Variants in RNF20 observed in about 807,000 individuals in gnomAD.
RNF20 encodes E3 ubiquitin-protein ligase BRE1A.
Under a neutral mutation model 126.2 loss-of-function variants are expected in RNF20, and 84 were observed. The ratio of observed to expected loss-of-function variants is 0.67; its 90% CI spans 0.56 to 0.80. RNF20 has a LOEUF of 0.80. Among genes scored for constraint, RNF20 ranks in the 30% least tolerant of loss-of-function variants. The pLI is 0.00. For missense variants in RNF20, 869 were observed against 1,188.2 expected (o/e 0.73, Z 3.95); for synonymous variants, 400 against 414.3 (o/e 0.97, Z 0.42).
chr9:101,535,288 T>G lies in RNF20; in HGVS notation c.-26-110T>G, dbSNP rs1041709959. The G allele has an allele frequency of 1.1e-5, 7 of 642,770 alleles. No homozygotes were observed. The African/African-American group carries it at 1.3e-4, about 12-fold the overall frequency. 39.8% of individuals were successfully genotyped at this position (642,770 alleles called of 1,614,324 possible). ...TGGAGATGGTTGTGGAATTAATGGA[T>G]CCAGGTTAAAGGGTTGGCCAGAAAA... On this transcript the variant is annotated intron_variant, in intron 1 of 19. Transcript: ENST00000389120.
chr9:101,538,458 A>G (rs1238811704), intron 2 of RNF20, among the ~76,000 whole-genome samples: 1 of 152,142 alleles, frequency 6.6e-6, no homozygotes, highest in Admixed American at 6.5e-5. Context: ...CATGAGCTGC[A>G]GAGGTAGGAG....
intron 16 of RNF20, 88 bp downstream of exon 16, chr9:101,557,684 C>A: frequency 9.5e-7 from 1 of 1,057,102 alleles, no homozygotes; most frequent in Non-Finnish European, 1.4e-6. Context: ...TATTGTGGCA[C>A]ATTTTTGTGA....
At chr9:101,544,529 A>C (rs1268963863) in intron 5 of RNF20, among the ~76,000 whole-genome samples, 1 of 152,116 alleles carries the variant, frequency 6.6e-6, no homozygotes, top group Non-Finnish European at 1.5e-5. Context: ...GACATGGTGA[A>C]ACCCCATCTC....
chr9:101,551,062 G>T (rs1021793963), intron 10 of RNF20, among the ~76,000 whole-genome samples: 3 of 152,196 alleles, frequency 2.0e-5, no homozygotes, highest in Non-Finnish European at 4.4e-5. Context: ...CATGAGAAAA[G>T]AGTGTCTGAT....
At chr9:101,555,996 C>CTGGTAAATG (rs1827525654) in intron 15 of RNF20, among the ~76,000 whole-genome samples, 1 of 148,568 alleles carries the variant, frequency 6.7e-6, no homozygotes, top group South Asian at 2.2e-4. Flanking sequence ...TTTCTTAAAT[C>CTGGTAAATG]TGGTAAATGC....
In RNF20 at chr9:101,554,888, A is replaced by G. The variant is rs1827509436; in HGVS notation, c.2169+45A>G. ...TTAATTGACTTTTTGAGTAAATGTT[A>G]CTTGACAATAAGTTATTGCCAGTGA... On this transcript the variant is annotated intron_variant, in intron 15 of 19. Transcript: ENST00000389120. 2.9e-6 allele frequency: 4 copies of G among 1,358,630 alleles called. 1 individual carries two copies. The Admixed American group carries it at 1.1e-4, about 37-fold the overall frequency. 84.2% of individuals were successfully genotyped at this position (1,358,630 alleles called of 1,614,324 possible). A position where few individuals can be genotyped will look rare whatever the true frequency, so the allele number is the denominator to read the frequency against.
Position 101,551,672 on chromosome 9 carries a change from A to G in RNF20, c.1273-12A>G. 2 of 1,572,022 alleles carry G rather than the reference A, an allele frequency of 1.3e-6. No individual in the cohort carries two copies. The highest frequency in any genetic ancestry group is 1.2e-5 in the South Asian group (1 of 83,168). Reference sequence around the variant, plus strand: ...TAAGAATTTTTTTATTGGTTCCTTTATCTGTGTGTAGCGAGATGAGGTTAG... The same window carrying G: ...TAAGAATTTTTTTATTGGTTCCTTTGTCTGTGTGTAGCGAGATGAGGTTAG... On this transcript the variant is annotated splice_polypyrimidine_tract_variant and intron_variant, in intron 10 of 19. Coordinates refer to ENST00000389120, the MANE Select transcript of RNF20 (RefSeq NM_019592.7).
In RNF20 at chr9:101,552,390, T is replaced by G; in HGVS notation, c.1538T>G (p.Leu513Arg). The change falls in exon 13 of 20, where the codon CTG becomes CGG. Residue 513 changes from leucine to arginine, a missense_variant. Leu to Arg is a moderately radical substitution (Grantham distance 102). This residue lies in a region of RNF20 where 231 missense variants were observed against 263.6 expected (regional missense o/e 0.88). Coordinates refer to ENST00000389120, the MANE Select transcript of RNF20 (RefSeq NM_019592.7). ...TTTTCTTTATTCTCCCAGACACGCC[T>G]GCGTAGTGGTAGTGCCCTCCTGCAG... ...EAQSDLNKTR[L>R]RSGSALLQSQ... The G allele has an allele frequency of 6.2e-7, 1 of 1,605,290 alleles. No homozygotes were observed. Among genetic ancestry groups the G allele is most frequent in the Non-Finnish European group, 8.5e-7 (1 of 1,174,050 alleles).
At chr9:101,534,735 T>G (rs1439204904) in intron 1 of RNF20, among the ~76,000 whole-genome samples, 1 of 152,158 alleles carries the variant, frequency 6.6e-6, no homozygotes, top group Non-Finnish European at 1.5e-5. Flanking sequence ...CACTGTAGTA[T>G]TAACTTCTGG....
chr9:101,538,881 A>G (rs1395641830), intron 2 of RNF20, among the ~76,000 whole-genome samples: 1 of 152,160 alleles, frequency 6.6e-6, no homozygotes, highest in Non-Finnish European at 1.5e-5. Flanking sequence ...ATATCCTCCA[A>G]TCCCACCTCC....
chr9:101,554,114 G>A lies in RNF20; in HGVS notation c.2019+9G>A, dbSNP rs1264610505. 2 of 1,432,726 alleles carry A rather than the reference G, an allele frequency of 1.4e-6. No individual in the cohort carries two copies. The highest frequency in any genetic ancestry group is 4.5e-5 in the East Asian group (2 of 43,982). 88.8% of individuals were successfully genotyped at this position (1,432,726 alleles called of 1,614,324 possible). A position where few individuals can be genotyped will look rare whatever the true frequency, so the allele number is the denominator to read the frequency against. On this transcript the variant is annotated intron_variant, in intron 14 of 19. Coordinates refer to ENST00000389120, the MANE Select transcript of RNF20 (RefSeq NM_019592.7). ...AGAAGTCTAAGGCAGAGGTATTCTA[G>A]TCTGCTATTACCTGTCCTTCTGGTT...
At position 101,557,456 on chromosome 9, in the gene RNF20, C is replaced by T. The variant is rs1827552552; in HGVS notation, c.2242C>T (p.Arg748Cys). ...AFEDMQEQNI[R>C]LMQQLREKDD... ...TGAAGACATGCAGGAGCAAAATATC[C>T]GTTTGATGCAGCAATTGCGGGAGAA... The change falls in exon 16 of 20, where the codon CGT (arginine) becomes TGT (cysteine). Residue 748 changes from arginine (R) to cysteine (C), a missense_variant. Around this residue, in one of 8 missense-constraint regions of RNF20, gnomAD observed 30 missense variants for 75.2 expected, o/e 0.40. Coordinates refer to ENST00000389120, the MANE Select transcript of RNF20 (RefSeq NM_019592.7). The T allele has an allele frequency of 1.2e-6, 2 of 1,613,808 alleles. No individual in the cohort carries two copies. Among genetic ancestry groups the T allele is most frequent in the African/African-American group, 1.3e-5 (1 of 74,888 alleles).
Position 101,562,616 on chromosome 9 carries a change from C to A in RNF20, c.*194C>A. ...AGCAGAAAGGACTGGTAAATACAAG[C>A]CTTGGGTTTCAGAATGAATTAGAAA... On this transcript the variant is annotated 3_prime_UTR_variant, in exon 20 of 20. Coordinates refer to ENST00000389120, the MANE Select transcript of RNF20 (RefSeq NM_019592.7). 1 of 497,232 alleles carries A rather than the reference C, an allele frequency of 2.0e-6. No individual in the cohort carries two copies. The highest frequency in any genetic ancestry group is 4.0e-5 in the South Asian group (1 of 25,294). 30.8% of individuals were successfully genotyped at this position (497,232 alleles called of 1,614,324 possible).
At chr9:101,535,836 A>G (rs1255421263) in intron 2 of RNF20, among the ~76,000 whole-genome samples, 1 of 152,216 alleles carries the variant, frequency 6.6e-6, no homozygotes, top group African/African-American at 2.4e-5. Flanking sequence ...GAAGATACAC[A>G]TTTATTTTTC....
intron 9 of RNF20, among the ~76,000 whole-genome samples, chr9:101,549,196 G>A (rs534895307): frequency 6.6e-6 from 1 of 152,282 alleles, no homozygotes; most frequent in East Asian, 1.9e-4. Context: ...ATGCCAGGCT[G>A]CACTGATATT....
rs181916436 is a variant in RNF20 at position 101,545,554 on chromosome 9, T to C, written c.747+669T>C. On this transcript the variant is annotated intron_variant, in intron 6 of 19. Transcript: ENST00000389120. ...TTGAGCTGTGTTGTGACTGTAGGTC[T>C]GTTTGACTTCAAAGCTCTTGTTCTT... Among the ~76,000 whole-genome samples the C allele has an allele frequency of 2.8e-3, 424 of 152,348 alleles. 4 individuals carry two copies. Among genetic ancestry groups the C allele is most frequent in the African/African-American group, 9.1e-3 (377 of 41,588 alleles).
At chr9:101,553,504 T>TGTCA (rs1012581713) in intron 13 of RNF20, among the ~76,000 whole-genome samples, 3 of 152,250 alleles carry the variant, frequency 2.0e-5, no homozygotes, top group African/African-American at 4.8e-5. Context: ...ATCACTCAGC[T>TGTCA]GTCAAATCTA....
chr9:101,558,339 G>T (rs1827570114), intron 16 of RNF20, among the ~76,000 whole-genome samples: 2 of 152,028 alleles, frequency 1.3e-5, no homozygotes, highest in Admixed American at 6.6e-5. Flanking sequence ...ATTCCATCCG[G>T]ATTGCTGTGA....
intron 5 of RNF20, among the ~76,000 whole-genome samples, chr9:101,543,474 G>A (rs1482012845): frequency 1.3e-5 from 2 of 148,366 alleles, no homozygotes; most frequent in African/African-American, 2.5e-5. Context: ...AGGCAGCACT[G>A]TCTAACCCTG....
Sources: allele counts gnomAD v4.1 joint callset (sites outside exome capture counted in the v4.1 genomes callset), GRCh38; gene constraint gnomAD v4.1.1; regional missense constraint gnomAD v4.1.1; transcripts MANE v1.5; gene names NCBI Gene and HGNC (gene_info 2026-07-23, HGNC 2026-07-21).